Variants in LSAMP observed in about 807,000 individuals in gnomAD.
LSAMP encodes limbic system associated membrane protein.
In LSAMP, 7 loss-of-function variants were observed where a neutral mutation model predicts 38.6. That is an observed-to-expected ratio of 0.18 (90% CI 0.10 to 0.34). The LOEUF is 0.34. Ranked by LOEUF, LSAMP falls within the 10% of genes least tolerant of loss-of-function variation. LSAMP has a pLI of 1.00. For missense variants in LSAMP, 313 were observed against 420.0 expected (o/e 0.75, Z 2.23); for synonymous variants, 154 against 166.8 (o/e 0.92, Z 0.59).
At chr3:116,394,506 C>T (rs1420255385) in intron 1 of LSAMP, among the ~76,000 whole-genome samples, 5 of 152,152 alleles carry the variant, frequency 3.3e-5, no homozygotes, top group Non-Finnish European at 1.5e-5. Context: ...CTTCCTCCCA[C>T]CTCCACACAC....
At chr3:115,988,494 G>A (rs946088886) in intron 3 of LSAMP, among the ~76,000 whole-genome samples, 5 of 151,994 alleles carry the variant, frequency 3.3e-5, no homozygotes, top group Non-Finnish European at 7.4e-5. Context: ...GAAATATGAG[G>A]TCTCACTGTG....
intron 3 of LSAMP, among the ~76,000 whole-genome samples, chr3:115,974,866 G>A (rs942021269): frequency 3.9e-5 from 6 of 152,084 alleles, no homozygotes; most frequent in African/African-American, 9.7e-5. Context: ...GAGGTGTGTC[G>A]AACCTCTCAT....
Position 116,210,049 on chromosome 3 carries a change from C to T in LSAMP, c.156-123493G>A, listed in dbSNP as rs144901085. Among the ~76,000 whole-genome samples, 667 of 152,222 alleles carry T rather than the reference C, an allele frequency of 4.4e-3. 2 individuals are homozygous for T. Among genetic ancestry groups the T allele is most frequent in the African/African-American group, 0.015 (613 of 41,518 alleles). ...GATTACAGGCCTGAGCCACTGAGCC[C>T]GGCCGAGATTTTATATTTTTTTAAT... On this transcript the variant is annotated intron_variant, in intron 1 of 6. Transcript: ENST00000490035.
chr3:116,217,532 T>C (rs1002367073), intron 1 of LSAMP, among the ~76,000 whole-genome samples: 1 of 152,208 alleles, frequency 6.6e-6, no homozygotes. Context: ...TATTAAAACA[T>C]AGTCTCTGCC....
At chr3:115,949,866 G>T (rs1938226276) in intron 3 of LSAMP, among the ~76,000 whole-genome samples, 1 of 151,840 alleles carries the variant, frequency 6.6e-6, no homozygotes, top group South Asian at 2.1e-4. Context: ...GAATCCAACA[G>T]CATATCAAAA....
intron 2 of LSAMP, among the ~76,000 whole-genome samples, chr3:116,021,432 C>T (rs1325441217): frequency 2.0e-5 from 3 of 152,008 alleles, no homozygotes; most frequent in East Asian, 1.9e-4. Flanking sequence ...TCCGTTATTT[C>T]GAGTTCACAG....
chr3:116,178,326 T>G (rs1308564703), intron 1 of LSAMP, among the ~76,000 whole-genome samples: 1 of 151,882 alleles, frequency 6.6e-6, no homozygotes, highest in Non-Finnish European at 1.5e-5. Context: ...GCCACCATGC[T>G]CGGCTAATTT....
intron 1 of LSAMP, among the ~76,000 whole-genome samples, chr3:116,266,738 G>C (rs1278871241): frequency 6.6e-6 from 1 of 151,938 alleles, no homozygotes; most frequent in African/African-American, 2.4e-5. Context: ...GTATAGAGAG[G>C]TAAAAAAGAT....
At chr3:116,362,633 A>G (rs1184687589) in intron 1 of LSAMP, among the ~76,000 whole-genome samples, 2 of 68,026 alleles carry the variant, frequency 2.9e-5, no homozygotes, top group East Asian at 3.7e-4. Context: ...CAGCAAATGT[A>G]AAAGAACAGA....
At chr3:115,994,007 G>A (rs909875012) in intron 3 of LSAMP, among the ~76,000 whole-genome samples, 1 of 152,026 alleles carries the variant, frequency 6.6e-6, no homozygotes, top group African/African-American at 2.4e-5. Flanking sequence ...CTTTTACATG[G>A]TGGAAGTTGG....
rs116826689 is a variant in LSAMP, at chr3:116,295,244, A to G, written c.155+149633T>C. On this transcript the variant is annotated intron_variant, in intron 1 of 6. Coordinates refer to ENST00000490035, the MANE Select transcript of LSAMP (RefSeq NM_002338.5). ...AAGGAATTTTTAAATTCTGAATAAA[A>G]GTAAGGATGAGGGGAGCCTCTTTTT... Among the ~76,000 whole-genome samples, 567 of 152,312 alleles carry G rather than the reference A, an allele frequency of 3.7e-3. 5 individuals carry two copies. Among genetic ancestry groups the G allele is most frequent in the African/African-American group, 0.013 (549 of 41,578 alleles).
chr3:116,141,635 T>C (rs1451940727), intron 1 of LSAMP, among the ~76,000 whole-genome samples: 2 of 151,976 alleles, frequency 1.3e-5, no homozygotes, highest in Non-Finnish European at 2.9e-5. Context: ...GGAGTCATCA[T>C]GTGATTGTGT....
At chr3:116,120,213 T>C (rs1283139419) in intron 1 of LSAMP, among the ~76,000 whole-genome samples, 1 of 152,166 alleles carries the variant, frequency 6.6e-6, no homozygotes, top group Non-Finnish European at 1.5e-5. Context: ...AAAAGGTATC[T>C]TGATGGACCA....
intron 1 of LSAMP, among the ~76,000 whole-genome samples, chr3:116,313,296 G>C (rs2047583264): frequency 6.6e-6 from 1 of 152,182 alleles, no homozygotes; most frequent in Non-Finnish European, 1.5e-5. Flanking sequence ...TTTGCTGTCT[G>C]TGGAGGTATT....
chr3:116,165,476 G>A (rs559530141), intron 1 of LSAMP, among the ~76,000 whole-genome samples: 14 of 152,236 alleles, frequency 9.2e-5, no homozygotes, highest in Admixed American at 2.6e-4. Flanking sequence ...ATAGCAAAGC[G>A]CAATGAGGTA....
chr3:116,388,636 A>G (rs1431202243), intron 1 of LSAMP, among the ~76,000 whole-genome samples: 1 of 152,164 alleles, frequency 6.6e-6, no homozygotes, highest in East Asian at 1.9e-4. Flanking sequence ...GGAAGATTTG[A>G]TTTTCAGCTT....
At chr3:116,213,365 T>G (rs2107608833) in intron 1 of LSAMP, among the ~76,000 whole-genome samples, 1 of 152,326 alleles carries the variant, frequency 6.6e-6, no homozygotes, top group South Asian at 2.1e-4. Flanking sequence ...GGAGTTCCCC[T>G]GCACAAGCTC....
chr3:115,834,662 T>C, intron 6 of LSAMP: 1 of 807,978 alleles, frequency 1.2e-6, no homozygotes, highest in South Asian at 2.5e-5. Context: ...ATCTTTCTCA[T>C]GTTTAGTTAT....
intron 1 of LSAMP, among the ~76,000 whole-genome samples, chr3:116,226,174 A>AC (rs2046339875): frequency 1.3e-5 from 2 of 151,598 alleles, no homozygotes; most frequent in Admixed American, 6.6e-5. Flanking sequence ...TGATTTCCTT[A>AC]CCCCCCAACC....
Sources: gnomAD v4.1 joint callset for allele counts (sites outside exome capture counted in the v4.1 genomes callset) on GRCh38, gnomAD v4.1.1 for gene constraint, MANE v1.5 for transcripts, NCBI Gene and HGNC (gene_info 2026-07-23, HGNC 2026-07-21) for gene names.